The following DENND1B variants were observed in gnomAD, a reference collection of about 807,000 sequenced individuals.
DENND1B encodes the protein DENN domain containing 1B.
In DENND1B, 59 loss-of-function variants were observed where a neutral mutation model predicts 90.1. The ratio of observed to expected loss-of-function variants is 0.65; its 90% CI spans 0.53 to 0.81. The LOEUF is 0.81. Ranked by LOEUF, DENND1B falls within the 40% of genes least tolerant of loss-of-function variation. The probability of loss-of-function intolerance (pLI) is 0.00; values close to 1 mark genes in which losing one functional copy is unlikely to be tolerated. For missense variants in DENND1B, 862 were observed against 912.6 expected, an observed-to-expected ratio of 0.94 and a Z score of 0.71; for synonymous variants, 337 against 324.6, an observed-to-expected ratio of 1.04 and a Z score of -0.41.
rs1340421936 is a variant in DENND1B at position 197,509,028 on chromosome 1, C to G, written c.*1432G>C. 6.6e-6 allele frequency: 1 copy of G among 151,678 alleles called. No homozygotes were observed. Among genetic ancestry groups the G allele is most frequent in the Non-Finnish European group, 1.5e-5 (1 of 67,816 alleles). The allele number at this position is 151,678 out of a possible 1,614,324, so 9.4% of individuals were successfully genotyped here. On this transcript the variant is annotated 3_prime_UTR_variant, in exon 23 of 23. Transcript: ENST00000620048. ...TCCAAAAATGACAGCATGGAAAGGG[C>G]AGGAAGAACTTTAGAGTGACAAACG...
At chr1:197,762,000 T>G (rs1655115630) in intron 2 of DENND1B, 1 of 152,214 alleles carries the variant, frequency 6.6e-6, no homozygotes, top group Non-Finnish European at 1.5e-5. Context: ...CATTCAATTT[T>G]TTTTAAGATT....
At chr1:197,733,181 T>C (rs182955128) in intron 2 of DENND1B, among the ~76,000 whole-genome samples, 150 of 152,314 alleles carry the variant, frequency 9.8e-4, no homozygotes, top group Non-Finnish European at 4.7e-4. Context: ...GAGTAAATAC[T>C]AGACATCTAC....
intron 2 of DENND1B, among the ~76,000 whole-genome samples, chr1:197,723,035 A>T (rs1661322765): frequency 6.6e-6 from 1 of 152,210 alleles, no homozygotes; most frequent in Non-Finnish European, 1.5e-5. Context: ...GGATAATTCT[A>T]ACCTTTCTAA....
At chr1:197,550,775 C>T (rs542607996) in intron 16 of DENND1B, among the ~76,000 whole-genome samples, 1 of 150,926 alleles carries the variant, frequency 6.6e-6, no homozygotes, top group South Asian at 2.1e-4. Context: ...AACTAACCTG[C>T]ATGTTGTGCA....
At chr1:197,662,415 A>G (rs549607434) in intron 5 of DENND1B, among the ~76,000 whole-genome samples, 2 of 152,152 alleles carry the variant, frequency 1.3e-5, no homozygotes, top group East Asian at 1.9e-4. Flanking sequence ...TACATACTTG[A>G]CTAAGATAAA....
Position 197,546,739 on chromosome 1 carries a change from T to C in DENND1B, c.1275A>G (p.Thr425=), listed in dbSNP as rs1257887525. The change falls in exon 17 of 23, where the codon ACA becomes ACG. Residue 425 remains threonine, a synonymous_variant. Transcript: ENST00000620048. ...NPRSYQQWVH[T]VKKGGALFNT... ...TTTGAAAGCTTATGATTACCTTGAC[T>C]GTATGCACCCATTGTTGATATGACC... The C allele has an allele frequency of 7.8e-6, 12 of 1,545,104 alleles. No homozygotes were observed. In the Admixed American group the frequency reaches 1.0e-4, roughly 13 times the overall value.
chr1:197,624,911 G>A (rs1258843642), intron 10 of DENND1B, among the ~76,000 whole-genome samples: 1 of 151,986 alleles, frequency 6.6e-6, no homozygotes, highest in South Asian at 2.1e-4. Flanking sequence ...GGAAGAAAGG[G>A]TATCAGTGAT....
intron 10 of DENND1B, among the ~76,000 whole-genome samples, chr1:197,620,714 A>T (rs182808789): frequency 2.0e-5 from 3 of 151,522 alleles, no homozygotes; most frequent in Admixed American, 2.0e-4. Flanking sequence ...TTAATTCAAC[A>T]AAAATTTTGA....
intron 16 of DENND1B, among the ~76,000 whole-genome samples, chr1:197,549,717 C>A (rs1170804713): frequency 2.0e-5 from 3 of 152,142 alleles, no homozygotes; most frequent in Admixed American, 6.6e-5. Flanking sequence ...TCCCTTCACA[C>A]ATTCCTTTTA....
At chr1:197,639,824 A>T (rs1396842693) in intron 10 of DENND1B, among the ~76,000 whole-genome samples, 2 of 152,160 alleles carry the variant, frequency 1.3e-5, no homozygotes, top group African/African-American at 4.8e-5. Flanking sequence ...TTTATAGCAG[A>T]TATATTTTAT....
intron 10 of DENND1B, among the ~76,000 whole-genome samples, chr1:197,641,969 T>C (rs1256096023): frequency 6.6e-6 from 1 of 152,074 alleles, no homozygotes; most frequent in Non-Finnish European, 1.5e-5. Context: ...TTTTGCTAAA[T>C]AAATACATCA....
intron 15 of DENND1B, among the ~76,000 whole-genome samples, chr1:197,554,875 A>G (rs1454602848): frequency 6.6e-6 from 1 of 151,078 alleles, no homozygotes; most frequent in Non-Finnish European, 1.5e-5. Flanking sequence ...GAAGAGAATT[A>G]ACAGCAGTAA....
At chr1:197,614,253 CTT>C (rs1334746224) in intron 11 of DENND1B, among the ~76,000 whole-genome samples, 1 of 150,974 alleles carries the variant, frequency 6.6e-6, no homozygotes, top group Non-Finnish European at 1.5e-5. Context: ...CACATGTTCT[CTT>C]CTCACCAATT....
intron 3 of DENND1B, among the ~76,000 whole-genome samples, chr1:197,681,439 G>C (rs539231942): frequency 2.0e-5 from 3 of 151,988 alleles, no homozygotes; most frequent in Non-Finnish European, 4.4e-5. Flanking sequence ...CAATTTAAGG[G>C]GGACATACTG....
chr1:197,545,552 C>T (rs887105124), intron 18 of DENND1B: 7 of 197,802 alleles, frequency 3.5e-5, no homozygotes, highest in Middle Eastern at 2.1e-3. Flanking sequence ...GAAAAGACCT[C>T]GCTATATTTT....
At chr1:197,511,340 T>G (rs184041000) in intron 22 of DENND1B, among the ~76,000 whole-genome samples, 15 of 151,964 alleles carry the variant, frequency 9.9e-5, no homozygotes, top group African/African-American at 3.1e-4. Flanking sequence ...TGTTCATTTT[T>G]GGGTAAGAAA....
chr1:197,728,600 G>C (rs913369364), intron 2 of DENND1B, among the ~76,000 whole-genome samples: 1 of 152,130 alleles, frequency 6.6e-6, no homozygotes, highest in South Asian at 2.1e-4. Flanking sequence ...AACCATGTTA[G>C]TTATTTCTTC....
At chr1:197,599,749 A>T (rs997858953) in intron 13 of DENND1B, among the ~76,000 whole-genome samples, 1 of 151,868 alleles carries the variant, frequency 6.6e-6, no homozygotes, top group African/African-American at 2.4e-5. Context: ...GTAACCTTTA[A>T]CATTTATTAA....
chr1:197,625,468 A>G (rs1156753436), intron 10 of DENND1B, among the ~76,000 whole-genome samples: 14 of 152,124 alleles, frequency 9.2e-5, no homozygotes, highest in Non-Finnish European at 2.1e-4. Context: ...AAATGCTGAG[A>G]GATTTCGCCA....
Sources: allele counts gnomAD v4.1 joint callset (sites outside exome capture counted in the v4.1 genomes callset), GRCh38; gene constraint gnomAD v4.1.1; transcripts MANE v1.5; gene names NCBI Gene and HGNC (gene_info 2026-07-23, HGNC 2026-07-21).